The following NSUN6 variants were observed in gnomAD, a reference collection of about 807,000 sequenced individuals.
The protein encoded by NSUN6 is NOP2/Sun RNA methyltransferase 6, also known as tRNA (cytosine(72)-C(5))-methyltransferase NSUN6.
A neutral mutation model predicts 58.0 loss-of-function variants in NSUN6; 64 were observed. The ratio of observed to expected loss-of-function variants is 1.10; its 90% CI spans 0.90 to 1.36. The LOEUF (loss-of-function observed/expected upper bound fraction) is 1.36. Among genes scored for constraint, NSUN6 ranks in the 40% most tolerant of loss-of-function variants. The pLI, the probability that NSUN6 is intolerant of heterozygous loss-of-function variation, is 0.00. For synonymous variants in NSUN6, 231 were observed against 193.9 expected (o/e 1.19, Z -1.59); for missense variants, 701 against 550.1 (o/e 1.27, Z -2.74).
At position 18,602,275 on chromosome 10, in the gene NSUN6, GCT is replaced by G. The variant is rs963841466; in HGVS notation, c.658-5950_658-5949del. Among the ~76,000 whole-genome samples, 7 of 147,200 alleles carry G rather than the reference GCT, an allele frequency of 4.8e-5. No homozygotes were observed. The South Asian group carries it at 1.5e-3, about 33-fold the overall frequency. ...TTGTTTTTTTTTGAGACGGAGTCTT[GCT>G]CTGTTGCCCAGGCTGGAATGCAGTG... On this transcript the variant is annotated intron_variant, in intron 6 of 10. Coordinates refer to ENST00000377304, the MANE Select transcript of NSUN6 (RefSeq NM_182543.5).
intron 8 of NSUN6, among the ~76,000 whole-genome samples, chr10:18,584,142 G>A (rs1416563970): frequency 6.6e-6 from 1 of 152,168 alleles, no homozygotes; most frequent in African/African-American, 2.4e-5. Context: ...CTCTTGTGGG[G>A]AGTAGGGGGC....
At chr10:18,554,814 A>G (rs1429049773) in intron 8 of NSUN6, among the ~76,000 whole-genome samples, 1 of 151,528 alleles carries the variant, frequency 6.6e-6, no homozygotes, top group African/African-American at 2.4e-5. Flanking sequence ...GGAATGGAAT[A>G]GAATGGTATG....
At chr10:18,593,098 T>A (rs566834138) in intron 7 of NSUN6, among the ~76,000 whole-genome samples, 3 of 152,082 alleles carry the variant, frequency 2.0e-5, no homozygotes, top group Admixed American at 1.3e-4. Context: ...AATAAACATA[T>A]GAAAAAAAGC....
intron 3 of NSUN6, among the ~76,000 whole-genome samples, chr10:18,626,536 G>C (rs2058813094): frequency 1.3e-5 from 2 of 152,218 alleles, no homozygotes; most frequent in Admixed American, 6.5e-5. Flanking sequence ...AGGAGGCTGA[G>C]GCAGGCAGAT....
At chr10:18,569,125 C>T (rs2130953019) in intron 8 of NSUN6, among the ~76,000 whole-genome samples, 1 of 149,666 alleles carries the variant, frequency 6.7e-6, no homozygotes, top group Middle Eastern at 3.6e-3. Context: ...CCGTTACATT[C>T]TCCATTCCAT....
chr10:18,551,761 G>A, intron 9 of NSUN6, 62 bp downstream of exon 9: 1 of 1,408,466 alleles, frequency 7.1e-7, no homozygotes, highest in Non-Finnish European at 1.0e-6. Flanking sequence ...ATTGCTGTCA[G>A]TAGTTTAAAC....
intron 6 of NSUN6, among the ~76,000 whole-genome samples, chr10:18,599,865 A>C (rs537032836): frequency 1.3e-5 from 2 of 152,280 alleles, no homozygotes; most frequent in African/African-American, 2.4e-5. Context: ...TTAACTGTCA[A>C]CCCTTTATTA....
chr10:18,608,180 T>C (rs1044456271), intron 6 of NSUN6, among the ~76,000 whole-genome samples: 1 of 152,226 alleles, frequency 6.6e-6, no homozygotes, highest in African/African-American at 2.4e-5. Flanking sequence ...ACAAAGAATA[T>C]GGCTCTATGG....
At chr10:18,603,592 T>C (rs1270327768) in intron 6 of NSUN6, among the ~76,000 whole-genome samples, 1 of 151,626 alleles carries the variant, frequency 6.6e-6, no homozygotes, top group East Asian at 2.0e-4. Flanking sequence ...TGCCTCAGCC[T>C]CCCAAATAGC....
chr10:18,628,518 A>C (rs2058909990), intron 3 of NSUN6, among the ~76,000 whole-genome samples: 1 of 152,208 alleles, frequency 6.6e-6, no homozygotes, highest in Non-Finnish European at 1.5e-5. Context: ...AAAAGTTTAG[A>C]AGAATCTATA....
intron 8 of NSUN6, among the ~76,000 whole-genome samples, chr10:18,552,742 A>G (rs2054687693): frequency 6.8e-6 from 1 of 146,724 alleles, no homozygotes; most frequent in Non-Finnish European, 1.5e-5. Flanking sequence ...CACTCCATTC[A>G]ATTCTCTACT....
At chr10:18,554,752 G>C (rs1255510899) in intron 8 of NSUN6, among the ~76,000 whole-genome samples, 1 of 151,298 alleles carries the variant, frequency 6.6e-6, no homozygotes, top group Non-Finnish European at 1.5e-5. Flanking sequence ...ATGGAATGGA[G>C]AATGGAATGT....
At chr10:18,639,978 C>G (rs1446269391) in intron 3 of NSUN6, among the ~76,000 whole-genome samples, 3 of 152,168 alleles carry the variant, frequency 2.0e-5, no homozygotes, top group Non-Finnish European at 4.4e-5. Flanking sequence ...AATATTCACT[C>G]TAACACCTCT....
rs750871729 is a variant in NSUN6 at position 18,648,524 on chromosome 10, T to C, written c.197A>G (p.His66Arg). 1 of 1,608,906 alleles carries C rather than the reference T, an allele frequency of 6.2e-7. No homozygotes were observed. Among genetic ancestry groups the C allele is most frequent in the Non-Finnish European group, 8.5e-7 (1 of 1,175,896 alleles). Residue 66 changes from histidine (H) to arginine (R), a missense_variant, in exon 2 of 11, where the codon CAT (histidine) becomes CGT (arginine). His to Arg is a conservative substitution (Grantham distance 29). Transcript: ENST00000377304. The stretch of plus-strand genomic sequence containing the variant: ...TTCATCAAGTAACAGATTTTTCACA[T>C]GTTGTACTGAGGCTAAATGTGTATT... ...RVNTHLASVQ[H>R]VKNLLLDELQ...
intron 8 of NSUN6, among the ~76,000 whole-genome samples, chr10:18,563,856 T>C (rs1218334200): frequency 7.3e-6 from 1 of 136,970 alleles, no homozygotes; most frequent in Non-Finnish European, 1.7e-5. Context: ...CAATCCTCCC[T>C]TCCATTCCAT....
intron 8 of NSUN6, among the ~76,000 whole-genome samples, chr10:18,553,901 AGAATGGAATG>A (rs199499418): frequency 5.4e-4 from 82 of 150,986 alleles, no homozygotes; most frequent in East Asian, 2.2e-3. Context: ...AATGAGATGG[AGAATGGAATG>A]GAATGGAATG....
chr10:18,639,949 A>G (rs1328896708), intron 3 of NSUN6, among the ~76,000 whole-genome samples: 1 of 152,234 alleles, frequency 6.6e-6, no homozygotes, highest in Non-Finnish European at 1.5e-5. Flanking sequence ...TTCTGCAGAC[A>G]TGCTTATGCA....
At chr10:18,565,875 G>GCATTC (rs2130917936) in intron 8 of NSUN6, among the ~76,000 whole-genome samples, 1 of 134,122 alleles carries the variant, frequency 7.5e-6, no homozygotes, top group African/African-American at 2.8e-5. Flanking sequence ...AGTTCATTCT[G>GCATTC]CATTCCATTC....
chr10:18,548,355 A>G lies in NSUN6; in HGVS notation c.1072-118T>C. 2 of 901,652 alleles carry G rather than the reference A, an allele frequency of 2.2e-6. 1 individual carries two copies. The highest frequency in any genetic ancestry group is 3.3e-6 in the Non-Finnish European group (2 of 610,640). 55.9% of individuals were successfully genotyped at this position (901,652 alleles called of 1,614,324 possible). On this transcript the variant is annotated intron_variant, in intron 9 of 10. Coordinates refer to ENST00000377304, the MANE Select transcript of NSUN6 (RefSeq NM_182543.5). Reference sequence around the variant, plus strand: ...TTTGGGATAAATAAAATGATGTTCTATGTGACAAGGATTCCTTCTGTAATT... The same window carrying G: ...TTTGGGATAAATAAAATGATGTTCTGTGTGACAAGGATTCCTTCTGTAATT...
Sources: allele counts gnomAD v4.1 joint callset (sites outside exome capture counted in the v4.1 genomes callset), GRCh38; gene constraint gnomAD v4.1.1; transcripts MANE v1.5; gene names NCBI Gene and HGNC (gene_info 2026-07-23, HGNC 2026-07-21).